Variants in RGS6 observed in about 807,000 individuals in gnomAD.
RGS6 encodes regulator of G protein signaling 6, also known as regulator of G-protein signaling 6.
Under a neutral mutation model 78.5 loss-of-function variants are expected in RGS6, and 30 were observed. That is an observed-to-expected ratio of 0.38 (90% CI 0.29 to 0.52). The LOEUF (loss-of-function observed/expected upper bound fraction) is 0.52. Among genes scored for constraint, RGS6 ranks in the 20% least tolerant of loss-of-function variants. RGS6 has a pLI of 0.85. For synonymous variants in RGS6, 206 were observed against 206.0 expected, an observed-to-expected ratio of 1.00 and a Z score of 0.00; for missense variants, 495 against 609.7, an observed-to-expected ratio of 0.81 and a Z score of 1.98.
intron 9 of RGS6, among the ~76,000 whole-genome samples, chr14:72,474,369 G>T (rs1177716188): frequency 6.6e-6 from 1 of 152,150 alleles, no homozygotes; most frequent in Admixed American, 6.5e-5. Context: ...AGGCAATCTT[G>T]CCACTTAAAT....
chr14:72,495,296 A>C, intron 13 of RGS6, 34 bp downstream of exon 13: 2 of 1,275,926 alleles, frequency 1.6e-6, no homozygotes, highest in Non-Finnish European at 2.3e-6. Flanking sequence ...GAGTGGGATG[A>C]ATGTAGACAA....
intron 2 of RGS6, among the ~76,000 whole-genome samples, chr14:72,265,237 C>A (rs538134158): frequency 6.6e-6 from 1 of 152,142 alleles, no homozygotes; most frequent in Admixed American, 6.5e-5. Context: ...CATGGTGACA[C>A]GGTGCTGGGC....
At chr14:72,500,620 C>T (rs969360246) in intron 13 of RGS6, among the ~76,000 whole-genome samples, 27 of 152,210 alleles carry the variant, frequency 1.8e-4, no homozygotes, top group African/African-American at 6.0e-4. Context: ...CACCAGAACT[C>T]CTCCTTGCTT....
At chr14:72,476,330 T>G (rs1402543605) in intron 10 of RGS6, among the ~76,000 whole-genome samples, 1 of 152,212 alleles carries the variant, frequency 6.6e-6, no homozygotes, top group African/African-American at 2.4e-5. Flanking sequence ...CTTTCTTTAT[T>G]CAGAATCATT....
chr14:72,525,338 T>A (rs2097104209), intron 15 of RGS6, among the ~76,000 whole-genome samples: 1 of 152,210 alleles, frequency 6.6e-6, no homozygotes, highest in Non-Finnish European at 1.5e-5. Context: ...GCGCTGTGAA[T>A]ATACAAATGC....
intron 2 of RGS6, among the ~76,000 whole-genome samples, chr14:72,343,566 CT>C (rs2077424258): frequency 6.6e-6 from 1 of 152,174 alleles, no homozygotes; most frequent in Non-Finnish European, 1.5e-5. Context: ...ACATGGATCT[CT>C]TTTGGGGGAA....
rs116996079 is a variant in RGS6 at position 72,092,673 on chromosome 14, C to T, written c.84+127798C>T. On this transcript the variant is annotated intron_variant, in intron 2 of 17. Transcript: ENST00000553525. Reference sequence around the variant, plus strand: ...CTGGGATTACAGGCGTGAACCATTGCGCCTGGCCTCAGCTCCCTTTAGTTT... The same window carrying T: ...CTGGGATTACAGGCGTGAACCATTGTGCCTGGCCTCAGCTCCCTTTAGTTT... 9.1e-4 allele frequency among the ~76,000 whole-genome samples: 138 copies of T among 152,308 alleles called. 3 individuals carry two copies. In the East Asian group the frequency reaches 0.021, roughly 24 times the overall value.
At chr14:72,083,434 A>G (rs560914715) in intron 2 of RGS6, among the ~76,000 whole-genome samples, 56 of 152,258 alleles carry the variant, frequency 3.7e-4, no homozygotes, top group Non-Finnish European at 6.6e-4. Context: ...TCAAATGTTA[A>G]TAGTGTCAAG....
chr14:72,321,741 A>G (rs549809097), intron 2 of RGS6, among the ~76,000 whole-genome samples: 1 of 152,144 alleles, frequency 6.6e-6, no homozygotes, highest in South Asian at 2.1e-4. Flanking sequence ...AAAGACTTTA[A>G]TTATAGGAGG....
At chr14:72,282,609 G>A (rs1448065628) in intron 2 of RGS6, among the ~76,000 whole-genome samples, 1 of 152,042 alleles carries the variant, frequency 6.6e-6, no homozygotes, top group Non-Finnish European at 1.5e-5. Context: ...CAGCTTTTTT[G>A]AGGCATAATT....
chr14:72,569,444 C>A (rs1240943446), downstream of RGS6, among the ~76,000 whole-genome samples: 1 of 152,122 alleles, frequency 6.6e-6, no homozygotes, highest in Admixed American at 6.5e-5. Context: ...CTTTGGGAGG[C>A]CGAGGTGGGC....
Position 72,015,346 on chromosome 14 carries a change from A to G in RGS6, c.84+50471A>G, listed in dbSNP as rs376059200. ...CCAAGCCATTCATGAGGAATCCGCC[A>G]TTATGGCCCAAACACCTCCCATCAG... On this transcript the variant is annotated intron_variant, in intron 2 of 17. Transcript: ENST00000553525. 2.2e-4 allele frequency among the ~76,000 whole-genome samples: 33 copies of G among 152,354 alleles called. 1 individual carries two copies. In the East Asian group the frequency reaches 4.8e-3, roughly 22 times the overall value.
At chr14:71,951,582 GA>G (rs2092324467) in intron 1 of RGS6, among the ~76,000 whole-genome samples, 2 of 152,100 alleles carry the variant, frequency 1.3e-5, no homozygotes. Flanking sequence ...TAATTAAAAA[GA>G]ATAGCTTCAT....
intron 2 of RGS6, among the ~76,000 whole-genome samples, chr14:72,138,982 G>T (rs769528802): frequency 6.6e-6 from 1 of 152,084 alleles, no homozygotes; most frequent in Non-Finnish European, 1.5e-5. Flanking sequence ...CACCCCCACC[G>T]ACCCACCCAG....
rs545634766 is a variant in RGS6, at chr14:71,932,640, C to G, written c.-322C>G. On this transcript the variant is annotated 5_prime_UTR_variant, in exon 1 of 18. Coordinates refer to ENST00000553525, the MANE Select transcript of RGS6 (RefSeq NM_001204424.2). ...AGAGCCAGGCCAGCCCGGAGCGCGC[C>G]GGGGACACCCTGTGCGCCCCGAGTC... 7 of 152,298 alleles carry G rather than the reference C, an allele frequency of 4.6e-5. No homozygotes were observed. The highest frequency in any genetic ancestry group is 7.2e-5 in the African/African-American group (3 of 41,572). 9.4% of individuals were successfully genotyped at this position (152,298 alleles called of 1,614,324 possible).
At chr14:72,080,226 G>A (rs574530911) in intron 2 of RGS6, among the ~76,000 whole-genome samples, 3 of 152,052 alleles carry the variant, frequency 2.0e-5, no homozygotes, top group African/African-American at 2.4e-5. Flanking sequence ...ACAGCCATTC[G>A]AACAGGTGTG....
At chr14:72,613,679 A>T in the RGS6 span, among the ~76,000 whole-genome samples, 1 of 152,168 alleles carries the variant, frequency 6.6e-6, no homozygotes, top group African/African-American at 2.4e-5. Context: ...CTCACTTCCA[A>T]ATCTTTCCCC....
At chr14:72,304,195 C>A (rs938776908) in intron 2 of RGS6, among the ~76,000 whole-genome samples, 1 of 152,210 alleles carries the variant, frequency 6.6e-6, no homozygotes, top group Non-Finnish European at 1.5e-5. Flanking sequence ...TCCTCCTCCC[C>A]CAGGCTGCAA....
Position 72,276,375 on chromosome 14 carries a change from G to A in RGS6, c.85-75720G>A, listed in dbSNP as rs191344054. 1.2e-4 allele frequency among the ~76,000 whole-genome samples: 18 copies of A among 152,140 alleles called. No individual in the cohort carries two copies. The East Asian group carries it at 3.5e-3, about 29-fold the overall frequency. Reference sequence around the variant, plus strand: ...TTCTGGGTTGGGAGTGGTGAAAAAAGTCTTTAAAAAAATAAATTGCAGAAT... The same window carrying A: ...TTCTGGGTTGGGAGTGGTGAAAAAAATCTTTAAAAAAATAAATTGCAGAAT... On this transcript the variant is annotated intron_variant, in intron 2 of 17. Coordinates refer to ENST00000553525, the MANE Select transcript of RGS6 (RefSeq NM_001204424.2).
Sources: gnomAD v4.1 joint callset for allele counts (sites outside exome capture counted in the v4.1 genomes callset) on GRCh38, gnomAD v4.1.1 for gene constraint, MANE v1.5 for transcripts, NCBI Gene and HGNC (gene_info 2026-07-23, HGNC 2026-07-21) for gene names.